The following KLHL1 variants were observed in gnomAD, a reference collection of about 807,000 sequenced individuals.
The protein encoded by KLHL1 is kelch like family member 1.
Under a neutral mutation model 77.7 loss-of-function variants are expected in KLHL1, and 47 were observed. The ratio of observed to expected loss-of-function variants is 0.60; its 90% CI spans 0.48 to 0.77. The LOEUF is 0.77. Ranked by LOEUF, KLHL1 falls within the 30% of genes least tolerant of loss-of-function variation. The pLI, the probability that KLHL1 is intolerant of heterozygous loss-of-function variation, is 0.00. For synonymous variants in KLHL1, 360 were observed against 325.2 expected (o/e 1.11, Z -1.15); for missense variants, 925 against 910.8 (o/e 1.02, Z -0.20).
chr13:69,836,571 A>C (rs570398053), intron 6 of KLHL1, among the ~76,000 whole-genome samples: 1 of 152,206 alleles, frequency 6.6e-6, no homozygotes, highest in Non-Finnish European at 1.5e-5. Context: ...TTTGTCTCAA[A>C]TCATCCAATT....
chr13:70,062,142 C>T (rs1425580313), intron 1 of KLHL1, among the ~76,000 whole-genome samples: 2 of 152,112 alleles, frequency 1.3e-5, no homozygotes, highest in Non-Finnish European at 2.9e-5. Flanking sequence ...ATTCCAGCTA[C>T]TACAATACAA....
rs1269566199 is a variant in KLHL1 at position 69,707,808 on chromosome 13, T to A, written c.2016-12A>T. The stretch of plus-strand genomic sequence containing the variant: ...TTTTGGGATCATATCTAAAATTCAA[T>A]GACAATAGTACATAACATATTCTAA... On this transcript the variant is annotated splice_polypyrimidine_tract_variant and intron_variant, in intron 9 of 10. Transcript: ENST00000377844. The A allele has an allele frequency of 1.2e-6, 2 of 1,610,384 alleles. No homozygotes were observed. The highest frequency in any genetic ancestry group is 1.7e-6 in the Non-Finnish European group (2 of 1,177,480).
chr13:69,704,141 T>A (rs1268880578), intron 10 of KLHL1, among the ~76,000 whole-genome samples: 1 of 151,668 alleles, frequency 6.6e-6, no homozygotes, highest in Non-Finnish European at 1.5e-5. Context: ...TCTATCTCTA[T>A]AGATGCATGT....
At position 70,022,142 on chromosome 13, in the gene KLHL1, A is replaced by G. The variant is rs1271498336; in HGVS notation, c.498-46340T>C. ...CAAGTAGACCTGTCATTCATTATCT[A>G]TCAATTTTGGGGGAGGGTATAAGGT... On this transcript the variant is annotated intron_variant, in intron 1 of 10. Transcript: ENST00000377844. Among the ~76,000 whole-genome samples, 5 of 151,890 alleles carry G rather than the reference A, an allele frequency of 3.3e-5. No individual in the cohort carries two copies. The East Asian group carries it at 7.7e-4, about 23-fold the overall frequency.
chr13:69,835,317 TG>T (rs1366462081), intron 6 of KLHL1, among the ~76,000 whole-genome samples: 5 of 152,140 alleles, frequency 3.3e-5, no homozygotes, highest in African/African-American at 1.2e-4. Context: ...TTATTTGCAT[TG>T]CTCGTCTTAC....
intron 4 of KLHL1, among the ~76,000 whole-genome samples, chr13:69,914,802 A>G (rs1398776071): frequency 6.6e-6 from 1 of 152,172 alleles, no homozygotes; most frequent in South Asian, 2.1e-4. Flanking sequence ...GCATGGGTCA[A>G]TCATTTAGGA....
intron 5 of KLHL1, among the ~76,000 whole-genome samples, chr13:69,853,673 A>T (rs1250401006): frequency 6.6e-6 from 1 of 152,064 alleles, no homozygotes; most frequent in African/African-American, 2.4e-5. Context: ...ATGTGATAAT[A>T]CAGTAAGTTT....
intron 1 of KLHL1, among the ~76,000 whole-genome samples, chr13:69,990,890 A>G (rs541338105): frequency 1.3e-5 from 2 of 152,090 alleles, no homozygotes; most frequent in South Asian, 2.1e-4. Context: ...TCTAAAGTCA[A>G]CCATGCAATT....
At chr13:69,997,599 T>C (rs1432814646) in intron 1 of KLHL1, among the ~76,000 whole-genome samples, 1 of 150,422 alleles carries the variant, frequency 6.6e-6, no homozygotes, top group South Asian at 2.1e-4. Flanking sequence ...TAACATAATG[T>C]CTTCCAGATT....
intron 5 of KLHL1, among the ~76,000 whole-genome samples, chr13:69,864,081 G>GA (rs1205077391): frequency 2.9e-4 from 44 of 150,732 alleles, no homozygotes; most frequent in African/African-American, 6.1e-4. Context: ...ATGTTATTCT[G>GA]AAAAAAAAAT....
chr13:69,831,894 A>G (rs1038253436), intron 6 of KLHL1, among the ~76,000 whole-genome samples: 2 of 150,220 alleles, frequency 1.3e-5, no homozygotes, highest in African/African-American at 5.0e-5. Flanking sequence ...AACAAAATCC[A>G]ACATCCCTTT....
intron 1 of KLHL1, among the ~76,000 whole-genome samples, chr13:70,030,475 A>T (rs2137365066): frequency 6.6e-6 from 1 of 152,320 alleles, no homozygotes; most frequent in East Asian, 1.9e-4. Flanking sequence ...AAACTGAAAA[A>T]CCTGCTCCTG....
intron 7 of KLHL1, among the ~76,000 whole-genome samples, chr13:69,788,428 A>G (rs1416876397): frequency 9.2e-5 from 14 of 152,060 alleles, no homozygotes; most frequent in East Asian, 5.8e-4. Context: ...ACCAAACACC[A>G]CATGTTCTCA....
At chr13:69,714,536 G>C (rs1324982037) in intron 9 of KLHL1, among the ~76,000 whole-genome samples, 1 of 151,778 alleles carries the variant, frequency 6.6e-6, no homozygotes, top group African/African-American at 2.4e-5. Flanking sequence ...TAATATGACA[G>C]AAAACCATAA....
chr13:70,074,486 A>T (rs1292638262), intron 1 of KLHL1, among the ~76,000 whole-genome samples: 1 of 152,014 alleles, frequency 6.6e-6, no homozygotes, highest in Non-Finnish European at 1.5e-5. Flanking sequence ...CCCACCACTG[A>T]TTGATTATCG....
intron 5 of KLHL1, among the ~76,000 whole-genome samples, chr13:69,859,646 T>C (rs1260634717): frequency 6.6e-6 from 1 of 152,152 alleles, no homozygotes; most frequent in Non-Finnish European, 1.5e-5. Flanking sequence ...TCAGTAAATC[T>C]ATCTAAAAAT....
At chr13:69,902,279 C>T (rs1412297239) in intron 4 of KLHL1, among the ~76,000 whole-genome samples, 3 of 152,024 alleles carry the variant, frequency 2.0e-5, no homozygotes, top group Non-Finnish European at 4.4e-5. Context: ...ATGGGCTGGT[C>T]TTAGAACAGG....
intron 4 of KLHL1, among the ~76,000 whole-genome samples, chr13:69,913,850 A>T (rs1469695242): frequency 6.6e-6 from 1 of 151,928 alleles, no homozygotes; most frequent in Non-Finnish European, 1.5e-5. Flanking sequence ...TGAAGGATGC[A>T]AAGTACTTTT....
At chr13:69,866,545 C>G (rs1307579284) in intron 5 of KLHL1, among the ~76,000 whole-genome samples, 1 of 151,976 alleles carries the variant, frequency 6.6e-6, no homozygotes, top group African/African-American at 2.4e-5. Context: ...ATAGATTTTA[C>G]TTGGAATAAA....
Sources: gnomAD v4.1 joint callset for allele counts (sites outside exome capture counted in the v4.1 genomes callset) on GRCh38, gnomAD v4.1.1 for gene constraint, MANE v1.5 for transcripts, NCBI Gene and HGNC (gene_info 2026-07-23, HGNC 2026-07-21) for gene names.